The following TMEM117 variants were observed in gnomAD, a reference collection of about 807,000 sequenced individuals.
The protein encoded by TMEM117 is transmembrane protein 117.
TMEM117 carries 27 observed loss-of-function variants against 52.4 expected under a neutral mutation model. That is an observed-to-expected ratio of 0.51 (90% CI 0.38 to 0.71). The LOEUF is 0.71. TMEM117 is among the 30% of genes least tolerant of loss of function. TMEM117 has a pLI of 0.00. For synonymous variants in TMEM117, 215 were observed against 206.3 expected (o/e 1.04, Z -0.36); for missense variants, 556 against 630.5 (o/e 0.88, Z 1.26).
intron 2 of TMEM117, among the ~76,000 whole-genome samples, chr12:43,931,477 G>A (rs758103531): frequency 2.6e-5 from 4 of 152,096 alleles, no homozygotes; most frequent in African/African-American, 7.2e-5. Context: ...AGAAGAGCCC[G>A]GGAATGATAC....
At chr12:44,219,249 G>C (rs1949757799) in intron 5 of TMEM117, among the ~76,000 whole-genome samples, 1 of 152,150 alleles carries the variant, frequency 6.6e-6, no homozygotes, top group South Asian at 2.1e-4. Flanking sequence ...CAGGACTACT[G>C]ATTCCTGGTC....
chr12:44,323,794 A>G (rs1437320612), intron 6 of TMEM117, among the ~76,000 whole-genome samples: 1 of 152,104 alleles, frequency 6.6e-6, no homozygotes, highest in African/African-American at 2.4e-5. Context: ...GTGGTACTGC[A>G]TTATTCTTTT....
chr12:44,260,247 A>G (rs535344228), intron 5 of TMEM117, among the ~76,000 whole-genome samples: 1 of 152,308 alleles, frequency 6.6e-6, no homozygotes, highest in South Asian at 2.1e-4. Flanking sequence ...CCGTATTTAC[A>G]CTGGTAATTT....
At chr12:44,302,882 T>G (rs1052830909) in intron 6 of TMEM117, among the ~76,000 whole-genome samples, 1 of 152,176 alleles carries the variant, frequency 6.6e-6, no homozygotes, top group African/African-American at 2.4e-5. Context: ...TGTGTTCTAA[T>G]TCATCCCATA....
At position 44,103,875 on chromosome 12, in the gene TMEM117, A is replaced by T. The variant is rs191287457; in HGVS notation, c.411-39650A>T. 1.8e-4 allele frequency among the ~76,000 whole-genome samples: 27 copies of T among 152,148 alleles called. No homozygotes were observed. In the East Asian group the frequency reaches 5.0e-3, roughly 28 times the overall value. On this transcript the variant is annotated intron_variant, in intron 3 of 7. Coordinates refer to ENST00000266534, the MANE Select transcript of TMEM117 (RefSeq NM_032256.3). ...TTTCCCCCTCAAGCACTTTTAAAAC[A>T]TATAGATAATTGAATTTTGTTCCTG...
intron 5 of TMEM117, among the ~76,000 whole-genome samples, chr12:44,285,510 T>A (rs1483553935): frequency 2.0e-5 from 3 of 152,184 alleles, no homozygotes; most frequent in African/African-American, 7.2e-5. Context: ...CTGTACTCTT[T>A]CACTAGGTCA....
chr12:43,814,082 C>G, the TMEM117 span, among the ~76,000 whole-genome samples: 3 of 152,138 alleles, frequency 2.0e-5, no homozygotes, highest in African/African-American at 7.2e-5. Flanking sequence ...TTCTACAGCT[C>G]TGGTCTGGAA....
At chr12:44,394,046 A>T (rs989755410), downstream of TMEM117, among the ~76,000 whole-genome samples, 3 of 152,194 alleles carry the variant, frequency 2.0e-5, no homozygotes, top group African/African-American at 7.2e-5. Context: ...AAGGGAAAAA[A>T]AGATTAGCTA....
chr12:44,161,394 C>T (rs1948896502), intron 4 of TMEM117, among the ~76,000 whole-genome samples: 1 of 152,140 alleles, frequency 6.6e-6, no homozygotes, highest in Admixed American at 6.6e-5. Context: ...GTGAACTGAT[C>T]CCTACATCCT....
chr12:44,224,629 G>A (rs1235953441), intron 5 of TMEM117, among the ~76,000 whole-genome samples: 3 of 152,122 alleles, frequency 2.0e-5, no homozygotes, highest in African/African-American at 7.2e-5. Context: ...GAAGCAGGAT[G>A]TGAAAGTCAC....
chr12:44,064,798 T>C (rs1015956415), intron 3 of TMEM117, among the ~76,000 whole-genome samples: 5 of 152,102 alleles, frequency 3.3e-5, no homozygotes, highest in Admixed American at 3.3e-4. Context: ...TGTATATGTA[T>C]AGGATGAATA....
the TMEM117 span, among the ~76,000 whole-genome samples, chr12:44,398,021 C>T: frequency 9.2e-5 from 14 of 151,916 alleles, no homozygotes; most frequent in South Asian, 6.2e-4. Context: ...CACCCTACTC[C>T]GGCCCCATAC....
At chr12:44,066,564 C>T (rs576027001) in intron 3 of TMEM117, among the ~76,000 whole-genome samples, 19 of 152,222 alleles carry the variant, frequency 1.2e-4, no homozygotes, top group African/African-American at 2.2e-4. Context: ...TTTCCCAATG[C>T]GTATAAAAGC....
chr12:44,073,943 A>G (rs1268262684), intron 3 of TMEM117: 1 of 152,224 alleles, frequency 6.6e-6, no homozygotes, highest in African/African-American at 2.4e-5. Context: ...TACATGAGCC[A>G]TTTTGGAAAG....
At position 44,143,545 on chromosome 12, in the gene TMEM117, A is replaced by G; in HGVS notation, c.431A>G (p.Tyr144Cys). ...CACAGAGCATATATCATTACAGACT[A>G]TATGGGCATCCGAAATGAAAGTTTC... ...GNMGAYIITD[Y>C]MGIRNESFMK... is the part of the protein sequence containing the mutation. Residue 144 changes from tyrosine (Y) to cysteine (C), a missense_variant, in exon 4 of 8, where the codon TAT becomes TGT. Around this residue, in one of 3 missense-constraint regions of TMEM117, gnomAD observed 328 missense variants for 371.4 expected, o/e 0.88. Transcript: ENST00000266534. The G allele has an allele frequency of 6.2e-7, 1 of 1,613,764 alleles. No homozygotes were observed. The highest frequency in any genetic ancestry group is 8.5e-7 in the Non-Finnish European group (1 of 1,179,738).
chr12:44,041,258 C>A (rs564221956), intron 3 of TMEM117, among the ~76,000 whole-genome samples: 26 of 122,964 alleles, frequency 2.1e-4, no homozygotes, highest in Non-Finnish European at 4.2e-4. Context: ...CCCCACCCCA[C>A]AACAGGCCCC....
intron 3 of TMEM117, among the ~76,000 whole-genome samples, chr12:44,080,551 A>C (rs1020737616): frequency 6.6e-6 from 1 of 152,136 alleles, no homozygotes; most frequent in African/African-American, 2.4e-5. Context: ...GTTTTTAAGA[A>C]AGGAACTTTT....
chr12:44,326,645 GTGAGTTTTCC>G (rs1951199715), intron 6 of TMEM117, among the ~76,000 whole-genome samples: 1 of 152,186 alleles, frequency 6.6e-6, no homozygotes, highest in Admixed American at 6.5e-5. Context: ...ATCTTCCACT[GTGAGTTTTCC>G]TTTATAAAAC....
intron 2 of TMEM117, among the ~76,000 whole-genome samples, chr12:43,878,375 G>A (rs556974415): frequency 2.0e-4 from 30 of 152,258 alleles, no homozygotes; most frequent in African/African-American, 7.2e-4. Context: ...CAGAAAGGCT[G>A]CTGAAAATAT....
Sources: allele counts gnomAD v4.1 joint callset (sites outside exome capture counted in the v4.1 genomes callset), GRCh38; gene constraint gnomAD v4.1.1; regional missense constraint gnomAD v4.1.1; transcripts MANE v1.5; gene names NCBI Gene and HGNC (gene_info 2026-07-23, HGNC 2026-07-21).